The following FSIP1 variants were observed in gnomAD, a reference collection of about 807,000 sequenced individuals.
FSIP1 encodes fibrous sheath-interacting protein 1.
In FSIP1, 65 loss-of-function variants were observed where a neutral mutation model predicts 60.9. The ratio of observed to expected loss-of-function variants is 1.07; its 90% CI spans 0.87 to 1.31. The LOEUF (loss-of-function observed/expected upper bound fraction) is 1.31. FSIP1 is among the 40% of genes most tolerant of loss of function. The pLI is 0.00. For synonymous variants in FSIP1, 209 were observed against 221.2 expected (o/e 0.94, Z 0.49); for missense variants, 675 against 665.5 (o/e 1.01, Z -0.16).
intron 6 of FSIP1, among the ~76,000 whole-genome samples, chr15:39,740,854 TA>T (rs34829061): frequency 0.043 from 6,509 of 151,664 alleles, 563 homozygotes; most frequent in Admixed American, 0.2. Context: ...TAGCTTTGAG[TA>T]AAAAAAAATT....
chr15:39,680,127 C>T, intron 10 of FSIP1, among the ~76,000 whole-genome samples: 1 of 151,906 alleles, frequency 6.6e-6, no homozygotes, highest in East Asian at 1.9e-4. Flanking sequence ...ATGGGGAGAT[C>T]TTAAAACATA....
At chr15:39,703,142 C>T (rs1895129243) in intron 10 of FSIP1, among the ~76,000 whole-genome samples, 1 of 149,266 alleles carries the variant, frequency 6.7e-6, no homozygotes, top group Non-Finnish European at 1.5e-5. Context: ...ACCACCACAC[C>T]CGGCTAATTT....
chr15:39,768,657 T>C (rs1293604164), intron 3 of FSIP1, among the ~76,000 whole-genome samples: 2 of 152,216 alleles, frequency 1.3e-5, no homozygotes, highest in African/African-American at 4.8e-5. Context: ...TGCAGAAAAT[T>C]TGGCCTCACA....
intron 5 of FSIP1, among the ~76,000 whole-genome samples, chr15:39,749,790 A>G (rs761291496): frequency 2.0e-5 from 3 of 152,028 alleles, no homozygotes; most frequent in Non-Finnish European, 4.4e-5. Flanking sequence ...TATTCAACAC[A>G]GTACTGGAAG....
intron 9 of FSIP1, among the ~76,000 whole-genome samples, chr15:39,716,898 T>G (rs1895763852): frequency 7.7e-6 from 1 of 129,988 alleles, no homozygotes. Flanking sequence ...CCCGGCAACC[T>G]CTGCCTCCCG....
chr15:39,617,634 C>T, intron 11 of FSIP1, 101 bp downstream of exon 11: 1 of 1,004,588 alleles, frequency 1.0e-6, no homozygotes, highest in Non-Finnish European at 1.5e-6. Flanking sequence ...CTGTGACTTA[C>T]AAACATACCT....
At chr15:39,698,971 G>A (rs1236876912) in intron 10 of FSIP1, among the ~76,000 whole-genome samples, 1 of 152,204 alleles carries the variant, frequency 6.6e-6, no homozygotes, top group Admixed American at 6.5e-5. Flanking sequence ...TGATGCAATA[G>A]CTTTATGATG....
chr15:39,622,332 T>C (rs1352990170), intron 10 of FSIP1, among the ~76,000 whole-genome samples: 1 of 152,224 alleles, frequency 6.6e-6, no homozygotes, highest in Non-Finnish European at 1.5e-5. Flanking sequence ...TTTCACTCTG[T>C]ATATGAAAGC....
chr15:39,633,448 A>C (rs989085966), intron 10 of FSIP1, among the ~76,000 whole-genome samples: 2 of 152,166 alleles, frequency 1.3e-5, no homozygotes, highest in Non-Finnish European at 2.9e-5. Context: ...TTTTATTCGT[A>C]AAATGCATTT....
chr15:39,735,787 T>C (rs552185569), intron 8 of FSIP1, among the ~76,000 whole-genome samples: 316 of 152,304 alleles, frequency 2.1e-3, no homozygotes, highest in African/African-American at 7.3e-3. Flanking sequence ...TTTTCTTTCT[T>C]TGTAAGCTTT....
chr15:39,659,268 C>T (rs189561236), intron 10 of FSIP1, among the ~76,000 whole-genome samples: 9 of 152,000 alleles, frequency 5.9e-5, no homozygotes, highest in African/African-American at 1.2e-4. Flanking sequence ...CTGGGCTGGA[C>T]GCCGTGGCTC....
chr15:39,720,827 G>A (rs1233048434), intron 9 of FSIP1, among the ~76,000 whole-genome samples: 2 of 152,188 alleles, frequency 1.3e-5, no homozygotes, highest in Admixed American at 1.3e-4. Flanking sequence ...AGTATGCACA[G>A]TTAAACCACA....
chr15:39,747,107 AT>A (rs951142980), intron 5 of FSIP1, among the ~76,000 whole-genome samples: 3 of 144,376 alleles, frequency 2.1e-5, no homozygotes, highest in African/African-American at 7.6e-5. Flanking sequence ...TTTAATGCTC[AT>A]TTTCTTGTCT....
intron 4 of FSIP1, 95 bp from the exon 5 acceptor site, chr15:39,764,009 T>C (rs1195719937): frequency 1.7e-5 from 12 of 686,060 alleles, no homozygotes; most frequent in Non-Finnish European, 3.1e-5. Context: ...ATCACATACG[T>C]ACAAACGAGA....
intron 9 of FSIP1, among the ~76,000 whole-genome samples, chr15:39,717,690 G>C (rs900668571): frequency 6.6e-6 from 1 of 151,988 alleles, no homozygotes; most frequent in African/African-American, 2.4e-5. Flanking sequence ...TATCCTACAG[G>C]AGCCATTATC....
intron 11 of FSIP1, among the ~76,000 whole-genome samples, chr15:39,616,103 T>C (rs956057859): frequency 2.6e-5 from 4 of 152,158 alleles, no homozygotes; most frequent in African/African-American, 9.7e-5. Flanking sequence ...AATTTAAAAA[T>C]TACAGCTTGC....
chr15:39,770,609 AC>A lies in FSIP1; in HGVS notation c.127del (p.Val43SerfsTer7). On this transcript the variant is annotated frameshift_variant and splice_region_variant, in exon 3 of 12. Coordinates refer to ENST00000350221, the MANE Select transcript of FSIP1 (RefSeq NM_152597.5). LOFTEE classifies it high-confidence loss of function. Reference protein sequence around the residue: ...VLSTEPGSFKVDTASNLNSGK... With the variant: ...VLSTEPGSFKXDTASNLNSGK... The stretch of plus-strand genomic sequence containing the variant: ...AGAGTTCAAGTTGCTTGCAGTATCG[AC>A]CTAAAAATAATTTCAAAAAAAAAAC... 6.8e-7 allele frequency: 1 copy of A among 1,478,676 alleles called. No individual in the cohort carries two copies. Among genetic ancestry groups the A allele is most frequent in the East Asian group, 2.5e-5 (1 of 40,780 alleles). 91.6% of individuals were successfully genotyped at this position (1,478,676 alleles called of 1,614,324 possible).
rs78760517 is a variant in FSIP1, at chr15:39,656,776, T to C, written c.1189-38531A>G. ...CATTTTTTGGAAGGGTTCTGAACTA[T>C]TAATATTTTAAAAGAGAAAAAAATC... On this transcript the variant is annotated intron_variant, in intron 10 of 11. Coordinates refer to ENST00000350221, the MANE Select transcript of FSIP1 (RefSeq NM_152597.5). 5.6e-3 allele frequency among the ~76,000 whole-genome samples: 855 copies of C among 152,328 alleles called. 11 individuals carry two copies. Among genetic ancestry groups the C allele is most frequent in the African/African-American group, 0.02 (826 of 41,568 alleles).
At chr15:39,728,919 A>G (rs1896301174) in intron 8 of FSIP1, among the ~76,000 whole-genome samples, 1 of 152,206 alleles carries the variant, frequency 6.6e-6, no homozygotes, top group African/African-American at 2.4e-5. Context: ...GCAAAGAGCA[A>G]AGTAGGCAAA....
Sources: allele counts gnomAD v4.1 joint callset (sites outside exome capture counted in the v4.1 genomes callset), GRCh38; gene constraint gnomAD v4.1.1; transcripts MANE v1.5; gene names NCBI Gene and HGNC (gene_info 2026-07-23, HGNC 2026-07-21).